The following LPCAT1 variants were observed in gnomAD, a reference collection of about 807,000 sequenced individuals.
LPCAT1 encodes the protein lysophosphatidylcholine acyltransferase 1.
A neutral mutation model predicts 60.9 loss-of-function variants in LPCAT1; 23 were observed. The observed-to-expected ratio is 0.38, with a 90% CI of 0.27 to 0.53. The LOEUF is 0.53. Among genes scored for constraint, LPCAT1 ranks in the 20% least tolerant of loss-of-function variants. The pLI is 0.82. For synonymous variants in LPCAT1, 340 were observed against 301.1 expected (o/e 1.13, Z -1.34); for missense variants, 622 against 723.6 (o/e 0.86, Z 1.61).
chr5:1,463,743 A>T lies in LPCAT1; in HGVS notation c.1513T>A (p.Ser505Thr). 1 of 1,614,226 alleles carries T rather than the reference A, an allele frequency of 6.2e-7. No individual in the cohort carries two copies. The highest frequency in any genetic ancestry group is 8.5e-7 in the Non-Finnish European group (1 of 1,180,032). The change falls in exon 14 of 14, where the codon TCA (serine) becomes ACA (threonine). Residue 505 changes from serine to threonine, a missense_variant. Transcript: ENST00000283415. ...QTHFESCAET[S>T]PAPIPNGFCA... ...AAGCCGTTTGGGATTGGCGCAGGTG[A>T]GGTCTCTGCACAGCTTTCGAAATGT...
chr5:1,472,751 G>A (rs1054939515), intron 11 of LPCAT1, among the ~76,000 whole-genome samples: 6 of 152,094 alleles, frequency 3.9e-5, no homozygotes, highest in Admixed American at 6.5e-5. Flanking sequence ...ACTCGCATCC[G>A]AGACGCTGTT....
chr5:1,493,941 G>A (rs1735682580), intron 3 of LPCAT1, among the ~76,000 whole-genome samples: 1 of 152,274 alleles, frequency 6.6e-6, no homozygotes, highest in Non-Finnish European at 1.5e-5. Context: ...CACTTGGAGG[G>A]AGCCAGGCCA....
chr5:1,509,162 G>A (rs550165477), intron 1 of LPCAT1, among the ~76,000 whole-genome samples: 6 of 152,376 alleles, frequency 3.9e-5, no homozygotes, highest in South Asian at 2.1e-4. Flanking sequence ...GATGGCGCCC[G>A]GAGACTCGAA....
rs543104390 is a variant in LPCAT1, at chr5:1,472,449, G to A, written c.1179+1508C>T. On this transcript the variant is annotated intron_variant, in intron 11 of 13. Coordinates refer to ENST00000283415, the MANE Select transcript of LPCAT1 (RefSeq NM_024830.5). ...TACTGGGACTGGGGCTTGGGTGTCTGGCAGGTGGAAATGACTACAAGTCCC... is the reference window on the plus strand; with the variant it reads ...TACTGGGACTGGGGCTTGGGTGTCTAGCAGGTGGAAATGACTACAAGTCCC... 8.1e-5 allele frequency among the ~76,000 whole-genome samples: 11 copies of A among 136,494 alleles called. 1 individual carries two copies. In the South Asian group the frequency reaches 2.7e-3, roughly 34 times the overall value. The allele number at this position is 136,494 out of a possible 152,430, so 89.5% of individuals were successfully genotyped here.
chr5:1,463,953 G>C, intron 13 of LPCAT1, 118 bp from the exon 14 acceptor site: 2 of 1,024,060 alleles, frequency 2.0e-6, no homozygotes, highest in Non-Finnish European at 2.9e-6. Context: ...GGGAGGGTTA[G>C]AATCGTCTGT....
rs940746753 is a variant in LPCAT1 at position 1,522,187 on chromosome 5, G to C, written c.135+1523C>G. ...GGGGGCGTCCCCGCTGAGGGCTTCC[G>C]AGCAGCAGAGTGCAGGAGGAAGAAA... On this transcript the variant is annotated intron_variant, in intron 1 of 13. Coordinates refer to ENST00000283415, the MANE Select transcript of LPCAT1 (RefSeq NM_024830.5). The surrounding 1 kb of genome is among the most constrained non-coding windows in gnomAD (Gnocchi z 6.8). Among the ~76,000 whole-genome samples the C allele has an allele frequency of 2.0e-5, 3 of 152,224 alleles. No individual in the cohort carries two copies. Among genetic ancestry groups the C allele is most frequent in the Non-Finnish European group, 4.4e-5 (3 of 68,034 alleles).
intron 2 of LPCAT1, among the ~76,000 whole-genome samples, chr5:1,499,618 T>C (rs913716925): frequency 6.6e-6 from 1 of 152,250 alleles, no homozygotes; most frequent in African/African-American, 2.4e-5. Flanking sequence ...AAGCCCGTGA[T>C]GATCCTGTTG....
At chr5:1,507,205 T>C (rs1444850482) in intron 1 of LPCAT1, among the ~76,000 whole-genome samples, 1 of 152,102 alleles carries the variant, frequency 6.6e-6, no homozygotes, top group Admixed American at 6.6e-5. Context: ...TGTGGACGCC[T>C]GCAGACGCTG....
rs1734418067 is a variant in LPCAT1 at position 1,466,650 on chromosome 5, G to C, written c.1420+99C>G. On this transcript the variant is annotated intron_variant, in intron 13 of 13. Coordinates refer to ENST00000283415, the MANE Select transcript of LPCAT1 (RefSeq NM_024830.5). Reference sequence around the variant, plus strand: ...GCCTGGTGAATGGAGGCATGGCGGGGACTCCACTCCTGTCCTGGGCTCCCA... The same window carrying C: ...GCCTGGTGAATGGAGGCATGGCGGGCACTCCACTCCTGTCCTGGGCTCCCA... The C allele has an allele frequency of 4.6e-6, 6 of 1,306,832 alleles. No individual in the cohort carries two copies. In the South Asian group the frequency reaches 8.3e-5, roughly 18 times the overall value. The allele number at this position is 1,306,832 out of a possible 1,614,324, so 81.0% of individuals were successfully genotyped here.
chr5:1,464,317 GC>G (rs1560943013), intron 13 of LPCAT1, among the ~76,000 whole-genome samples: 3 of 152,182 alleles, frequency 2.0e-5, no homozygotes. Flanking sequence ...TCATGTGAGC[GC>G]CCTCGGCTCC....
chr5:1,484,622 C>T (rs1401337368), intron 5 of LPCAT1, among the ~76,000 whole-genome samples: 3 of 152,202 alleles, frequency 2.0e-5, no homozygotes, highest in Admixed American at 6.5e-5. Context: ...CATGCTTGCC[C>T]CTAGGGCTGC....
intron 13 of LPCAT1, among the ~76,000 whole-genome samples, chr5:1,464,671 A>G (rs548301737): frequency 1.3e-5 from 2 of 148,698 alleles, no homozygotes; most frequent in South Asian, 4.3e-4. Flanking sequence ...AAGCACGCAC[A>G]CACACGGTAA....
intron 5 of LPCAT1, among the ~76,000 whole-genome samples, chr5:1,485,185 G>A (rs1373831527): frequency 6.6e-6 from 1 of 152,144 alleles, no homozygotes; most frequent in Non-Finnish European, 1.5e-5. Flanking sequence ...AAGAATCAAA[G>A]GAAACCTCAA....
rs1240771931 is a variant in LPCAT1 at position 1,521,776 on chromosome 5, C to T, written c.135+1934G>A. Among the ~76,000 whole-genome samples, 1 of 152,144 alleles carries T rather than the reference C, an allele frequency of 6.6e-6. No homozygotes were observed. Among genetic ancestry groups the T allele is most frequent in the Non-Finnish European group, 1.5e-5 (1 of 68,024 alleles). On this transcript the variant is annotated intron_variant, in intron 1 of 13. Transcript: ENST00000283415. This position sits in a 1 kb window ranked among gnomAD's most constrained non-coding sequence, Gnocchi z 4.3. The stretch of plus-strand genomic sequence containing the variant: ...CTGCCCAAAGCCTTCAATCTCGGGA[C>T]CAGGAGCCTCTCGATGACCCCCTGC...
chr5:1,483,571 A>G lies in LPCAT1; in HGVS notation c.668-85T>C. ...CGTTTCTCATGCTGCCCTTGGGATA[A>G]AAGTGAGCTTTTCTGTCTAGGCCTT... On this transcript the variant is annotated intron_variant, in intron 5 of 13. Transcript: ENST00000283415. The surrounding 1 kb of genome is among the most constrained non-coding windows in gnomAD (Gnocchi z 9.2). 1.4e-6 allele frequency: 2 copies of G among 1,435,052 alleles called. No homozygotes were observed. The highest frequency in any genetic ancestry group is 3.7e-4 in the Middle Eastern group (2 of 5,360). The allele number at this position is 1,435,052 out of a possible 1,614,324, so 88.9% of individuals were successfully genotyped here.
intron 13 of LPCAT1, among the ~76,000 whole-genome samples, chr5:1,465,066 C>T (rs115263012): frequency 2.9e-5 from 2 of 69,734 alleles, no homozygotes; most frequent in African/African-American, 4.7e-5. Flanking sequence ...CAAGTGCACG[C>T]ACACACACGG....
rs540672224 is a variant in LPCAT1 at position 1,461,576 on chromosome 5, A to C, written c.*2075T>G. Reference sequence around the variant, plus strand: ...CCACGGGTCTGGCCCCCAGGCCACCAGGGGCCCGCTGCGTCCTGTCTCACA... The same window carrying C: ...CCACGGGTCTGGCCCCCAGGCCACCCGGGGCCCGCTGCGTCCTGTCTCACA... On this transcript the variant is annotated 3_prime_UTR_variant, in exon 14 of 14. Coordinates refer to ENST00000283415, the MANE Select transcript of LPCAT1 (RefSeq NM_024830.5). 6.6e-6 allele frequency: 1 copy of C among 152,654 alleles called. No individual in the cohort carries two copies. The highest frequency in any genetic ancestry group is 1.5e-5 in the Non-Finnish European group (1 of 68,042). The allele number at this position is 152,654 out of a possible 1,614,324, so 9.5% of individuals were successfully genotyped here. A position where few individuals can be genotyped will look rare whatever the true frequency, so the allele number is the denominator to read the frequency against.
At chr5:1,478,036 G>T (rs1177875149) in intron 8 of LPCAT1, among the ~76,000 whole-genome samples, 1 of 152,276 alleles carries the variant, frequency 6.6e-6, no homozygotes, top group East Asian at 1.9e-4. Context: ...TCACAGAGGG[G>T]CTTACGCCCA....
rs1237307392 is a variant in LPCAT1 at position 1,494,908 on chromosome 5, C to T, written c.285G>A (p.Val95=). Residue 95 remains valine, a synonymous_variant, in exon 3 of 14, where the codon GTG becomes GTA. Transcript: ENST00000283415. The stretch of plus-strand genomic sequence containing the variant: ...GCATGATGGCCTTCAGCAGGAAGTC[C>T]ACAACCCTGCAAAAGAGGGCGCTGC... ...EQPPALWRKV[V]DFLLKAIMRT... is the part of the protein sequence containing the mutation. 1.2e-6 allele frequency: 2 copies of T among 1,605,508 alleles called. No homozygotes were observed. Among genetic ancestry groups the T allele is most frequent in the Admixed American group, 1.7e-5 (1 of 59,034 alleles).
Sources: allele counts gnomAD v4.1 joint callset (sites outside exome capture counted in the v4.1 genomes callset), GRCh38; gene constraint gnomAD v4.1.1; non-coding constraint Gnocchi (gnomAD v3.1); transcripts MANE v1.5; gene names NCBI Gene and HGNC (gene_info 2026-07-23, HGNC 2026-07-21).